The following HEATR5B variants were observed in gnomAD, a reference collection of about 807,000 sequenced individuals.
HEATR5B encodes the protein HEAT repeat-containing protein 5B.
HEATR5B carries 156 observed loss-of-function variants against 224.1 expected under a neutral mutation model. The observed-to-expected ratio is 0.70, with a 90% CI of 0.61 to 0.80. HEATR5B has a LOEUF of 0.80. Ranked by LOEUF, HEATR5B falls within the 30% of genes least tolerant of loss-of-function variation. HEATR5B has a pLI of 0.00. For synonymous variants in HEATR5B, 1,027 were observed against 893.0 expected (o/e 1.15, Z -2.68); for missense variants, 2,323 against 2,535.5 (o/e 0.92, Z 1.80).
At chr2:37,011,593 G>C (rs1667792782) in intron 27 of HEATR5B, among the ~76,000 whole-genome samples, 1 of 152,018 alleles carries the variant, frequency 6.6e-6, no homozygotes, top group African/African-American at 2.4e-5. Context: ...TCTGTATTTA[G>C]TTTTACTGAT....
chr2:37,039,922 A>G (rs1042695177), intron 20 of HEATR5B, among the ~76,000 whole-genome samples: 3 of 152,204 alleles, frequency 2.0e-5, no homozygotes, highest in Non-Finnish European at 1.5e-5. Context: ...AAAGAAAACA[A>G]AATCTAGATA....
chr2:37,019,422 T>A (rs147273726), intron 26 of HEATR5B, among the ~76,000 whole-genome samples: 12 of 152,118 alleles, frequency 7.9e-5, no homozygotes, highest in Non-Finnish European at 1.5e-4. Flanking sequence ...ATTGTTGTAT[T>A]TCCAAGATAA....
intron 4 of HEATR5B, among the ~76,000 whole-genome samples, chr2:37,076,352 T>G (rs926868450): frequency 7.2e-5 from 11 of 152,162 alleles, no homozygotes; most frequent in Admixed American, 3.3e-4. Flanking sequence ...GGAAATAATT[T>G]AGACACAAAA....
At chr2:37,064,150 T>G (rs373062484) in intron 10 of HEATR5B, among the ~76,000 whole-genome samples, 1 of 152,190 alleles carries the variant, frequency 6.6e-6, no homozygotes, top group Non-Finnish European at 1.5e-5. Context: ...TACTAAACAT[T>G]ATCAAAATGC....
intron 21 of HEATR5B, among the ~76,000 whole-genome samples, chr2:37,034,848 G>A (rs1000346874): frequency 9.2e-5 from 14 of 151,970 alleles, no homozygotes; most frequent in African/African-American, 2.4e-4. Context: ...GTGAGCCACC[G>A]CACCCAGCCA....
At chr2:37,059,021 T>C (rs781321690) in intron 12 of HEATR5B, 34 bp from the exon 13 acceptor site, 37 of 1,342,804 alleles carry the variant, frequency 2.8e-5, no homozygotes, top group Non-Finnish European at 3.6e-5. Context: ...AGATTTGGAG[T>C]AGCTTTTGTG....
At chr2:37,002,212 G>A in intron 32 of HEATR5B, 94 bp downstream of exon 32, 3 of 1,345,576 alleles carry the variant, frequency 2.2e-6, no homozygotes, top group Non-Finnish European at 2.1e-6. Context: ...AGATTTAAGA[G>A]GAAACTGGGT....
At chr2:37,038,122 C>T (rs1669625059) in intron 20 of HEATR5B, 98 bp from the exon 21 acceptor site, 1 of 835,166 alleles carries the variant, frequency 1.2e-6, no homozygotes, top group Non-Finnish European at 1.7e-6. Context: ...ACCATTCTAT[C>T]CAATTATTAT....
intron 27 of HEATR5B, among the ~76,000 whole-genome samples, chr2:37,009,557 C>A (rs548838205): frequency 6.6e-6 from 1 of 151,724 alleles, no homozygotes; most frequent in South Asian, 2.1e-4. Context: ...AGCCTGGGCA[C>A]CAGATTTGAG....
intron 14 of HEATR5B, among the ~76,000 whole-genome samples, chr2:37,057,732 C>T (rs1319115103): frequency 1.3e-5 from 2 of 151,898 alleles, no homozygotes; most frequent in Non-Finnish European, 2.9e-5. Context: ...GAAAGAGAGG[C>T]GGGTGCCATA....
At chr2:36,990,822 G>A (rs778781509) in intron 33 of HEATR5B, 23 bp from the exon 34 acceptor site, 29 of 1,533,632 alleles carry the variant, frequency 1.9e-5, no homozygotes, top group Non-Finnish European at 2.4e-5. Context: ...AATGAAAGAA[G>A]TGTGCTGTTT....
intron 21 of HEATR5B, among the ~76,000 whole-genome samples, chr2:37,034,788 A>T (rs532391281): frequency 6.6e-6 from 1 of 151,948 alleles, no homozygotes; most frequent in East Asian, 1.9e-4. Flanking sequence ...AAACTCCTGC[A>T]CTCAAGTGAT....
At chr2:37,010,236 T>TA (rs1667702368) in intron 27 of HEATR5B, among the ~76,000 whole-genome samples, 1 of 152,048 alleles carries the variant, frequency 6.6e-6, no homozygotes, top group African/African-American at 2.4e-5. Context: ...TTGCTCTAGA[T>TA]AAAAATCTCG....
In HEATR5B at chr2:37,028,719, C is replaced by T. The variant is rs752629261; in HGVS notation, c.3563G>A (p.Trp1188Ter). 1.9e-6 allele frequency: 3 copies of T among 1,613,896 alleles called. No homozygotes were observed. The highest frequency in any genetic ancestry group is 2.5e-6 in the Non-Finnish European group (3 of 1,179,868). ...CAGGACATCTTTACAAAGCATTAGC[C>T]AATGAGAAAGTTTTTCTACTGCCAG... The part of the protein sequence containing the change: ...SSLAVEKLSH[W>*]LMLCKDVLAA... The change falls in exon 23 of 36, where the codon TGG becomes TAG. Residue 1188 changes from tryptophan (W) to a stop codon, truncating the protein, a stop_gained. Transcript: ENST00000233099. LOFTEE classifies it high-confidence loss of function.
chr2:37,073,872 C>T (rs570472909), intron 5 of HEATR5B, among the ~76,000 whole-genome samples: 45 of 152,236 alleles, frequency 3.0e-4, no homozygotes, highest in African/African-American at 1.1e-3. Flanking sequence ...TACAAAGGAA[C>T]TGTAATGAAG....
Position 37,007,156 on chromosome 2 carries a change from A to C in HEATR5B, c.4671T>G (p.Gly1557=), listed in dbSNP as rs1253624462. 2 of 1,614,056 alleles carry C rather than the reference A, an allele frequency of 1.2e-6. No individual in the cohort carries two copies. The highest frequency in any genetic ancestry group is 4.5e-5 in the East Asian group (2 of 44,880). The change falls in exon 29 of 36, where the codon GGT becomes GGG. Residue 1557 remains glycine (G), a synonymous_variant. Coordinates refer to ENST00000233099, the MANE Select transcript of HEATR5B (RefSeq NM_019024.3). ...SESTEAAAIS[G]LQKRSTSVNL... is the part of the protein sequence containing the mutation. ...TGACAGATGTAGAACGTTTTTGTAA[A>C]CCAGATATTGCTGCTGCTTCTGTAG... is the stretch of plus-strand genomic sequence containing the variant.
chr2:37,031,108 C>G (rs1298591714), intron 22 of HEATR5B, among the ~76,000 whole-genome samples: 1 of 152,190 alleles, frequency 6.6e-6, no homozygotes, highest in Non-Finnish European at 1.5e-5. Context: ...CTGTCACAAT[C>G]CATTGCTGGG....
At position 37,007,130 on chromosome 2, in the gene HEATR5B, T is replaced by C. The variant is rs767415489; in HGVS notation, c.4697A>G (p.Asn1566Ser). ...SGLQKRSTSV[N>S]LNQASGAVGS... ...CACTGCTCCTGATGCCTGGTTTAAA[T>C]TGACAGATGTAGAACGTTTTTGTAA... Residue 1566 changes from asparagine to serine, a missense_variant, in exon 29 of 36, where the codon AAT (asparagine) becomes AGT (serine). Physicochemically the swap from Asn to Ser is conservative, Grantham distance 46. Coordinates refer to ENST00000233099, the MANE Select transcript of HEATR5B (RefSeq NM_019024.3). 17 of 1,614,122 alleles carry C rather than the reference T, an allele frequency of 1.1e-5. 1 individual carries two copies. In the South Asian group the frequency reaches 1.5e-4, roughly 15 times the overall value.
At chr2:37,041,689 G>A (rs1042209906) in intron 18 of HEATR5B, among the ~76,000 whole-genome samples, 1 of 152,058 alleles carries the variant, frequency 6.6e-6, no homozygotes, top group Admixed American at 6.6e-5. Context: ...AGGCTGCAGT[G>A]AGCTGTGATC....
Sources: allele counts gnomAD v4.1 joint callset (sites outside exome capture counted in the v4.1 genomes callset), GRCh38; gene constraint gnomAD v4.1.1; transcripts MANE v1.5; gene names NCBI Gene and HGNC (gene_info 2026-07-23, HGNC 2026-07-21).